GPC5: variants seen among roughly 807,000 people sequenced by gnomAD.
GPC5 encodes glypican 5, also known as glypican-5.
GPC5 carries 47 observed loss-of-function variants against 53.9 expected under a neutral mutation model. The ratio of observed to expected loss-of-function variants is 0.87; its 90% CI spans 0.69 to 1.11. The LOEUF (loss-of-function observed/expected upper bound fraction) is 1.11, where lower values mean the gene tolerates loss of function less well. Among genes scored for constraint, GPC5 ranks in the 50% most tolerant of loss-of-function variants. The probability of loss-of-function intolerance (pLI) is 0.00; values close to 1 mark genes in which losing one functional copy is unlikely to be tolerated. For missense variants in GPC5, 748 were observed against 713.1 expected (o/e 1.05, Z -0.56); for synonymous variants, 286 against 263.3 (o/e 1.09, Z -0.84).
At chr13:91,733,833 T>C (rs1020681255) in intron 4 of GPC5, among the ~76,000 whole-genome samples, 3 of 152,208 alleles carry the variant, frequency 2.0e-5, no homozygotes, top group African/African-American at 7.2e-5. Context: ...TTCTCTTGTC[T>C]GATTGCCCCG....
intron 5 of GPC5, among the ~76,000 whole-genome samples, chr13:91,876,036 G>T (rs2138940207): frequency 6.6e-6 from 1 of 152,270 alleles, no homozygotes; most frequent in Admixed American, 6.5e-5. Context: ...CAGGAGATCT[G>T]ATGGGTTTAT....
chr13:92,370,479 A>G (rs148817070), intron 7 of GPC5, among the ~76,000 whole-genome samples: 1 of 152,216 alleles, frequency 6.6e-6, no homozygotes, highest in East Asian at 1.9e-4. Flanking sequence ...ATTTTCTCTA[A>G]AACCAAGACA....
intron 7 of GPC5, among the ~76,000 whole-genome samples, chr13:92,391,065 A>G (rs1189390847): frequency 6.6e-6 from 1 of 152,094 alleles, no homozygotes; most frequent in Non-Finnish European, 1.5e-5. Flanking sequence ...TGACTTTTTA[A>G]TTTGCTTTGT....
At chr13:91,969,264 A>G (rs781364466) in intron 6 of GPC5, among the ~76,000 whole-genome samples, 16 of 152,080 alleles carry the variant, frequency 1.1e-4, no homozygotes, top group Non-Finnish European at 2.2e-4. Flanking sequence ...ACCATGCCTG[A>G]CCTATTTTTC....
At chr13:92,381,782 A>G (rs2043740999) in intron 7 of GPC5, among the ~76,000 whole-genome samples, 1 of 120,272 alleles carries the variant, frequency 8.3e-6, no homozygotes, top group Non-Finnish European at 1.8e-5. Flanking sequence ...TGGATAAATA[A>G]ACTGTGATAT....
intron 7 of GPC5, among the ~76,000 whole-genome samples, chr13:92,402,091 G>A (rs758829627): frequency 2.0e-5 from 3 of 152,044 alleles, no homozygotes; most frequent in Non-Finnish European, 2.9e-5. Context: ...ATTACACCCC[G>A]CTTCTACTTT....
chr13:92,831,380 C>A lies in GPC5; in HGVS notation c.1562-34902C>A, dbSNP rs75138388. Among the ~76,000 whole-genome samples, 1,309 of 152,114 alleles carry A rather than the reference C, an allele frequency of 8.6e-3. 19 individuals are homozygous for A. The highest frequency in any genetic ancestry group is 0.03 in the African/African-American group (1,256 of 41,522). ...TATTCCAAAAGAAAATTATTTAAAT[C>A]ATATTTCTTGTTCCATAATACTTTA... On this transcript the variant is annotated intron_variant, in intron 7 of 7. Transcript: ENST00000377067.
At chr13:91,996,328 C>A in intron 6 of GPC5, 1 of 152,350 alleles carries the variant, frequency 6.6e-6, no homozygotes, top group Non-Finnish European at 1.5e-5. Context: ...TCTCTCTAGC[C>A]CAGGCTATAG....
At chr13:92,376,867 T>C (rs999397091) in intron 7 of GPC5, among the ~76,000 whole-genome samples, 1 of 151,904 alleles carries the variant, frequency 6.6e-6, no homozygotes, top group African/African-American at 2.4e-5. Flanking sequence ...ATACAAAAAA[T>C]TAGCCAGGCA....
intron 7 of GPC5, among the ~76,000 whole-genome samples, chr13:92,394,284 T>C (rs1479427692): frequency 3.9e-5 from 6 of 152,198 alleles, no homozygotes; most frequent in Non-Finnish European, 8.8e-5. Context: ...TGTGTGTACG[T>C]ATTGTTGTGG....
chr13:92,159,760 G>A (rs1439065780), intron 7 of GPC5, among the ~76,000 whole-genome samples: 2 of 149,650 alleles, frequency 1.3e-5, no homozygotes, highest in Non-Finnish European at 3.0e-5. Context: ...CCGTCACCAC[G>A]CCCTGCTAAT....
chr13:91,771,230 A>G (rs1043315054), intron 5 of GPC5, among the ~76,000 whole-genome samples: 8 of 152,204 alleles, frequency 5.3e-5, no homozygotes, highest in South Asian at 2.1e-4. Flanking sequence ...CTCACCCTCA[A>G]TGTTAAAAAT....
intron 7 of GPC5, among the ~76,000 whole-genome samples, chr13:92,572,258 C>T (rs1281427282): frequency 6.6e-6 from 1 of 152,176 alleles, no homozygotes; most frequent in African/African-American, 2.4e-5. Context: ...ACTATCATCT[C>T]TTCATTTTCA....
chr13:92,167,030 C>T (rs2042036834), intron 7 of GPC5, among the ~76,000 whole-genome samples: 1 of 150,720 alleles, frequency 6.6e-6, no homozygotes, highest in African/African-American at 2.4e-5. Context: ...AGTTAAATTT[C>T]CTTCTCAAAT....
chr13:92,081,731 C>T (rs7992170), intron 6 of GPC5, among the ~76,000 whole-genome samples: 56,226 of 151,996 alleles, frequency 0.37, 11,338 homozygotes, highest in Admixed American at 0.47. Flanking sequence ...AAGTATAATT[C>T]AGTGTGACAC....
At chr13:92,694,310 C>A (rs555729217) in intron 7 of GPC5, among the ~76,000 whole-genome samples, 1 of 152,262 alleles carries the variant, frequency 6.6e-6, no homozygotes, top group South Asian at 2.1e-4. Flanking sequence ...GAGAAAGGGG[C>A]CACCATCCTC....
chr13:92,419,338 T>G (rs1007703790), intron 7 of GPC5, among the ~76,000 whole-genome samples: 4 of 152,184 alleles, frequency 2.6e-5, no homozygotes, highest in Admixed American at 6.5e-5. Context: ...AGCAAGTGAT[T>G]TTTTTCTTCC....
chr13:92,726,427 C>T (rs1407293974), intron 7 of GPC5, among the ~76,000 whole-genome samples: 1 of 151,512 alleles, frequency 6.6e-6, no homozygotes, highest in African/African-American at 2.4e-5. Context: ...GGATCTAACT[C>T]TATCACCCAG....
chr13:92,664,472 C>A lies in GPC5; in HGVS notation c.1562-201810C>A, dbSNP rs2139193471. Among the ~76,000 whole-genome samples the A allele has an allele frequency of 2.0e-5, 3 of 151,468 alleles. No individual in the cohort carries two copies. The East Asian group carries it at 5.8e-4, about 30-fold the overall frequency. ...TTCCAAATTATCCATGTTGACAATA[C>A]ATTATTCTTTTATTTGAAAGTGGAG... On this transcript the variant is annotated intron_variant, in intron 7 of 7. Transcript: ENST00000377067.
Sources: gnomAD v4.1 joint callset for allele counts (sites outside exome capture counted in the v4.1 genomes callset) on GRCh38, gnomAD v4.1.1 for gene constraint, MANE v1.5 for transcripts, NCBI Gene and HGNC (gene_info 2026-07-23, HGNC 2026-07-21) for gene names.